Variants in PCSK6 observed in about 807,000 individuals in gnomAD.
PCSK6 encodes the protein proprotein convertase subtilisin/kexin type 6.
In PCSK6, 85 loss-of-function variants were observed where a neutral mutation model predicts 123.3. The ratio of observed to expected loss-of-function variants is 0.69; its 90% confidence interval spans 0.58 to 0.83. The LOEUF (loss-of-function observed/expected upper bound fraction) is 0.83, where lower values mean the gene tolerates loss of function less well. Ranked by LOEUF, PCSK6 falls within the 40% of genes least tolerant of loss-of-function variation. The pLI is 0.00. For missense variants in PCSK6, 1,191 were observed against 1,282.3 expected (o/e 0.93, Z 1.09); for synonymous variants, 508 against 516.0 (o/e 0.98, Z 0.21).
At chr15:101,452,174 T>C (rs1311469152) in intron 1 of PCSK6, among the ~76,000 whole-genome samples, 1 of 152,250 alleles carries the variant, frequency 6.6e-6, no homozygotes, top group African/African-American at 2.4e-5. Flanking sequence ...ATCCTAAAAA[T>C]TCCTGAGAAA....
chr15:101,342,175 G>T (rs6598451), intron 13 of PCSK6, among the ~76,000 whole-genome samples: 1 of 133,222 alleles, frequency 7.5e-6, no homozygotes, highest in Non-Finnish European at 1.7e-5. Flanking sequence ...AAAGCAAAAA[G>T]TAATATCACT....
chr15:101,333,444 G>A (rs1385882154), intron 13 of PCSK6, among the ~76,000 whole-genome samples: 2 of 152,224 alleles, frequency 1.3e-5, no homozygotes, highest in African/African-American at 2.4e-5. Flanking sequence ...CAATGTCTCT[G>A]TTGGCTGAAA....
intron 11 of PCSK6, among the ~76,000 whole-genome samples, chr15:101,381,473 C>A (rs922574794): frequency 6.6e-6 from 1 of 152,166 alleles, no homozygotes; most frequent in African/African-American, 2.4e-5. Flanking sequence ...GAAGCCAGGG[C>A]CCTTCTGCTC....
At chr15:101,406,388 G>A (rs575899957) in intron 6 of PCSK6, among the ~76,000 whole-genome samples, 6 of 152,310 alleles carry the variant, frequency 3.9e-5, no homozygotes, top group African/African-American at 1.4e-4. Flanking sequence ...CAATGAACAG[G>A]AGCAAATAAA....
chr15:101,447,916 C>T (rs141999951), intron 1 of PCSK6, among the ~76,000 whole-genome samples: 1 of 152,356 alleles, frequency 6.6e-6, no homozygotes, highest in African/African-American at 2.4e-5. Flanking sequence ...TGGCAGCCTC[C>T]TCCTCCTTCC....
chr15:101,306,417 T>C (rs1263260547), intron 21 of PCSK6, among the ~76,000 whole-genome samples: 1 of 151,780 alleles, frequency 6.6e-6, no homozygotes, highest in Non-Finnish European at 1.5e-5. Context: ...AGCTCCATGC[T>C]CTGCCTGGAC....
At chr15:101,391,715 C>T (rs2042239228) in intron 8 of PCSK6, among the ~76,000 whole-genome samples, 2 of 152,124 alleles carry the variant, frequency 1.3e-5, no homozygotes, top group Non-Finnish European at 2.9e-5. Flanking sequence ...TGTGATATGT[C>T]GACTATCCTG....
At chr15:101,460,579 C>G (rs2057318682) in intron 1 of PCSK6, among the ~76,000 whole-genome samples, 1 of 152,174 alleles carries the variant, frequency 6.6e-6, no homozygotes, top group Admixed American at 6.5e-5. Context: ...ACTCCACGCC[C>G]AACAACAGAG....
chr15:101,322,563 C>T lies in PCSK6; in HGVS notation c.2422G>A (p.Val808Met), dbSNP rs371694055. ...LKCHPSCKKC[V>M]DEPEKCTVCK... ...ACAGTACATTTCTCAGGTTCATCCA[C>T]GCACTTTTTACAGCTTGGGTGGCAT... The change falls in exon 18 of 22, where the codon GTG becomes ATG. Residue 808 changes from valine (V) to methionine (M), a missense_variant. Coordinates refer to ENST00000611716, the MANE Select transcript of PCSK6 (RefSeq NM_002570.5). 301 of 1,613,736 alleles carry T rather than the reference C, an allele frequency of 1.9e-4. 6 individuals are homozygous for T. In the South Asian group the frequency reaches 2.9e-3, roughly 16 times the overall value.
intron 6 of PCSK6, among the ~76,000 whole-genome samples, chr15:101,408,573 G>A (rs1431693700): frequency 1.3e-5 from 2 of 152,222 alleles, no homozygotes; most frequent in Non-Finnish European, 2.9e-5. Context: ...CTAGCAGGCA[G>A]GGGCCTTGGA....
chr15:101,465,910 G>A (rs925545476), intron 1 of PCSK6, among the ~76,000 whole-genome samples: 2 of 152,126 alleles, frequency 1.3e-5, no homozygotes, highest in Admixed American at 6.5e-5. Flanking sequence ...GAAAGGAGTG[G>A]GGTTGGGGAG....
intron 6 of PCSK6, among the ~76,000 whole-genome samples, chr15:101,409,551 C>T (rs1446063921): frequency 6.8e-6 from 1 of 148,014 alleles, no homozygotes; most frequent in Non-Finnish European, 1.5e-5. Context: ...TGCCACTGCA[C>T]TCCAGCCTGG....
chr15:101,384,949 T>A (rs573565400), intron 9 of PCSK6, among the ~76,000 whole-genome samples: 17 of 152,340 alleles, frequency 1.1e-4, no homozygotes, highest in Admixed American at 1.1e-3. Context: ...ATCAAAAGAA[T>A]ACAACATGCC....
intron 6 of PCSK6, among the ~76,000 whole-genome samples, chr15:101,405,658 T>C (rs1337223793): frequency 6.6e-6 from 1 of 151,244 alleles, no homozygotes; most frequent in African/African-American, 2.4e-5. Flanking sequence ...ATGAAATGAA[T>C]GATTTTACAA....
intron 18 of PCSK6, among the ~76,000 whole-genome samples, chr15:101,320,462 T>C: frequency 6.6e-6 from 1 of 152,226 alleles, no homozygotes; most frequent in East Asian, 1.9e-4. Context: ...CCCACACGTT[T>C]TGGCTACCAG....
rs534810741 is a variant in PCSK6 at position 101,447,848 on chromosome 15, AGC to A, written c.298-4190_298-4189del. On this transcript the variant is annotated intron_variant, in intron 1 of 21. Transcript: ENST00000611716. ...CCGCTTCTCCAGCCGGTGCCTGAGC[AGC>A]CCGCCTTTAGAATCAGGAGCGGTGG... Among the ~76,000 whole-genome samples the A allele has an allele frequency of 7.9e-3, 1,203 of 152,340 alleles. 12 individuals are homozygous for A. Among genetic ancestry groups the A allele is most frequent in the African/African-American group, 0.028 (1,164 of 41,584 alleles).
intron 1 of PCSK6, among the ~76,000 whole-genome samples, chr15:101,466,231 G>A (rs897248305): frequency 5.3e-5 from 8 of 152,056 alleles, no homozygotes; most frequent in Admixed American, 2.0e-4. Context: ...CTGAGCAGAC[G>A]GTTCTCTAAA....
At position 101,355,059 on chromosome 15, in the gene PCSK6, T is replaced by C. The variant is rs144316380; in HGVS notation, c.1858+11137A>G. On this transcript the variant is annotated intron_variant, in intron 13 of 21. Coordinates refer to ENST00000611716, the MANE Select transcript of PCSK6 (RefSeq NM_002570.5). ...CTTTTGATAAATTGGACTTCTTTCC[T>C]AGATTGGTGGGAATCTGGAAATAAT... Among the ~76,000 whole-genome samples, 918 of 152,360 alleles carry C rather than the reference T, an allele frequency of 6.0e-3. 9 individuals are homozygous for C. The highest frequency in any genetic ancestry group is 0.028 in the South Asian group (136 of 4,830).
chr15:101,346,662 CCTAAAACTGAGGGCAA>C (rs1433085148), intron 13 of PCSK6: 1 of 885,396 alleles, frequency 1.1e-6, no homozygotes, highest in Non-Finnish European at 1.5e-6. Flanking sequence ...GTACCTCATT[CCTAAAACTGAGGGCAA>C]ATCTGGGAAA....
Sources: gnomAD v4.1 joint callset for allele counts (sites outside exome capture counted in the v4.1 genomes callset) on GRCh38, gnomAD v4.1.1 for gene constraint, MANE v1.5 for transcripts, NCBI Gene and HGNC (gene_info 2026-07-23, HGNC 2026-07-21) for gene names.